NCKAP5L: variants seen among roughly 807,000 people sequenced by gnomAD.
The protein encoded by NCKAP5L is NCK associated protein 5 like.
A neutral mutation model predicts 103.2 loss-of-function variants in NCKAP5L; 54 were observed. That is an observed-to-expected ratio of 0.52 (90% CI 0.42 to 0.66). The LOEUF is 0.66. NCKAP5L is among the 30% of genes least tolerant of loss of function. The pLI, the probability that NCKAP5L is intolerant of heterozygous loss-of-function variation, is 0.00. For missense variants in NCKAP5L, 1,733 were observed against 1,750.6 expected (o/e 0.99, Z 0.18); for synonymous variants, 762 against 748.6 (o/e 1.02, Z -0.29).
intron 1 of NCKAP5L, 62 bp downstream of exon 1, chr12:49,828,260 G>A (rs967929815): frequency 3.3e-5 from 5 of 152,654 alleles, no homozygotes; most frequent in African/African-American, 1.2e-4. Context: ...CCCCGGCCCG[G>A]AGCTACAGAT....
Position 49,792,657 on chromosome 12 carries a change from C to A in NCKAP5L, c.3649+21G>T. On this transcript the variant is annotated intron_variant, in intron 11 of 12. Transcript: ENST00000335999. This position sits in a 1 kb window ranked among gnomAD's most constrained non-coding sequence, Gnocchi z 4.5. ...CTCCAGGATGCCCAGGGGCATCCCA[C>A]CCTCCCACCTGGACACTCACCATCA... The A allele has an allele frequency of 6.2e-7, 1 of 1,613,094 alleles. No individual in the cohort carries two copies. Among genetic ancestry groups the A allele is most frequent in the Middle Eastern group, 1.6e-4 (1 of 6,062 alleles).
Position 49,828,352 on chromosome 12 carries a change from G to A in NCKAP5L, c.-129C>T, listed in dbSNP as rs1946446716. 1 of 152,528 alleles carries A rather than the reference G, an allele frequency of 6.6e-6. No homozygotes were observed. The highest frequency in any genetic ancestry group is 2.4e-5 in the African/African-American group (1 of 41,436). The allele number at this position is 152,528 out of a possible 1,614,324, so 9.4% of individuals were successfully genotyped here. ...TCAGGTGTTGAGCTGGGCCAGGGCA[G>A]GCCGGATCCGCCAGGTCCATGGCCG... On this transcript the variant is annotated 5_prime_UTR_variant, in exon 1 of 13. Transcript: ENST00000335999.
rs761006900 is a variant in NCKAP5L, at chr12:49,794,984, C to T, written c.2876G>A (p.Arg959Gln). The T allele has an allele frequency of 2.2e-5, 35 of 1,591,950 alleles. No individual in the cohort carries two copies. The highest frequency in any genetic ancestry group is 5.7e-5 in the South Asian group (5 of 88,488). ...GTTGAGGCTCTCGGCCTCCAGCTTCCGGGCTTCCATCTTGACTTCCCTCCG... is the reference window on the plus strand; with the variant it reads ...GTTGAGGCTCTCGGCCTCCAGCTTCTGGGCTTCCATCTTGACTTCCCTCCG... Reference protein sequence around the residue: ...PLRREVKMEARKLEAESLNIS... With the variant: ...PLRREVKMEAQKLEAESLNIS... The change falls in exon 8 of 13, where the codon CGG becomes CAG. Residue 959 changes from arginine to glutamine, a missense_variant. Coordinates refer to ENST00000335999, the MANE Select transcript of NCKAP5L (RefSeq NM_001037806.4).
chr12:49,796,192 A>G lies in NCKAP5L; in HGVS notation c.1668T>C (p.Tyr556=). The change falls in exon 8 of 13, where the codon TAT becomes TAC. Residue 556 remains tyrosine (Y), a synonymous_variant. Transcript: ENST00000335999. ...TCCGAGAAAGGTCCAGAATGTTCTC[A>G]TAGCAGGGAGACACCACTGGGCCTG... ...LSPGPVVSPC[Y]ENILDLSRST... 1 of 1,604,172 alleles carries G rather than the reference A, an allele frequency of 6.2e-7. No homozygotes were observed. Among genetic ancestry groups the G allele is most frequent in the Non-Finnish European group, 8.5e-7 (1 of 1,175,558 alleles).
intron 9 of NCKAP5L, 37 bp downstream of exon 9, chr12:49,793,697 C>T: frequency 6.6e-7 from 1 of 1,513,606 alleles, no homozygotes; most frequent in South Asian, 1.3e-5. Flanking sequence ...GGCCAGAGAG[C>T]CAGGCCGTCC....
chr12:49,820,603 C>A (rs1409994541), intron 1 of NCKAP5L, among the ~76,000 whole-genome samples: 1 of 152,220 alleles, frequency 6.6e-6, no homozygotes, highest in Non-Finnish European at 1.5e-5. Flanking sequence ...GCGTGAGCCA[C>A]TGCACCCAGG....
intron 1 of NCKAP5L, among the ~76,000 whole-genome samples, chr12:49,806,389 A>G (rs1455519504): frequency 6.6e-6 from 1 of 152,234 alleles, no homozygotes; most frequent in African/African-American, 2.4e-5. Context: ...TACAACATAC[A>G]TTGTCTTGCC....
At chr12:49,827,778 G>C (rs1254533329) in intron 1 of NCKAP5L, among the ~76,000 whole-genome samples, 1 of 152,190 alleles carries the variant, frequency 6.6e-6, no homozygotes, top group Non-Finnish European at 1.5e-5. Context: ...AGGAGACCCG[G>C]TCTTTCCGCC....
intron 3 of NCKAP5L, among the ~76,000 whole-genome samples, chr12:49,803,524 T>C (rs1946145041): frequency 6.6e-6 from 1 of 151,962 alleles, no homozygotes; most frequent in Non-Finnish European, 1.5e-5. Flanking sequence ...GTTAAGAATG[T>C]GGTGAGGGGT....
intron 10 of NCKAP5L, 92 bp downstream of exon 10, chr12:49,793,260 G>A: frequency 1.5e-6 from 2 of 1,299,990 alleles, no homozygotes; most frequent in Non-Finnish European, 2.2e-6. Context: ...CACAGAGCCT[G>A]GCACCTGCTG....
In NCKAP5L at chr12:49,791,814, C is replaced by G; in HGVS notation, c.*25G>C. 1 of 1,537,030 alleles carries G rather than the reference C, an allele frequency of 6.5e-7. No individual in the cohort carries two copies. Among genetic ancestry groups the G allele is most frequent in the Non-Finnish European group, 8.8e-7 (1 of 1,137,728 alleles). ...TCCAGTCTGTGGTCCCCAGCTCCAG[C>G]GGGGCCGTGGCGTGGCGCAGCCCCT... On this transcript the variant is annotated 3_prime_UTR_variant, in exon 13 of 13. Transcript: ENST00000335999.
chr12:49,819,471 C>T (rs897054), intron 1 of NCKAP5L, among the ~76,000 whole-genome samples: 109,363 of 152,182 alleles, frequency 0.72, 41,240 homozygotes, highest in East Asian at 0.95. Flanking sequence ...ATGCTATATA[C>T]ACATAATAGG....
chr12:49,812,772 A>C lies in NCKAP5L; in HGVS notation c.-98-6731T>G, dbSNP rs547023003. On this transcript the variant is annotated intron_variant, in intron 1 of 12. Transcript: ENST00000335999. The stretch of plus-strand genomic sequence containing the variant: ...ACTGATGAACATTTGGCTTGTTTTC[A>C]CTTTTTAGCTATTATGAATATTGCT... Among the ~76,000 whole-genome samples, 32 of 152,216 alleles carry C rather than the reference A, an allele frequency of 2.1e-4. No individual in the cohort carries two copies. In the South Asian group the frequency reaches 6.2e-3, roughly 30 times the overall value.
Position 49,813,873 on chromosome 12 carries a change from C to T in NCKAP5L, c.-98-7832G>A, listed in dbSNP as rs544176783. On this transcript the variant is annotated intron_variant, in intron 1 of 12. Transcript: ENST00000335999. The stretch of plus-strand genomic sequence containing the variant: ...CAAGATCTGGCTCTATCACTTAGGC[C>T]GGAGTGCACTGCCACAGTCATAGTT... Among the ~76,000 whole-genome samples the T allele has an allele frequency of 1.3e-4, 20 of 152,088 alleles. 1 individual carries two copies. The highest frequency in any genetic ancestry group is 4.1e-4 in the African/African-American group (17 of 41,472).
intron 1 of NCKAP5L, among the ~76,000 whole-genome samples, chr12:49,825,656 G>A (rs1265774926): frequency 6.6e-6 from 1 of 152,122 alleles, no homozygotes; most frequent in Non-Finnish European, 1.5e-5. Context: ...CCATTCCAAC[G>A]GCTCACAGCG....
intron 6 of NCKAP5L, 116 bp downstream of exon 6, chr12:49,801,732 G>A (rs1401993033): frequency 8.5e-6 from 11 of 1,298,676 alleles, no homozygotes; most frequent in African/African-American, 2.9e-5. Flanking sequence ...CAGAATGGAA[G>A]GTGGACAGCT....
At chr12:49,801,190 G>T (rs1946114516) in intron 6 of NCKAP5L, among the ~76,000 whole-genome samples, 1 of 152,190 alleles carries the variant, frequency 6.6e-6, no homozygotes, top group Non-Finnish European at 1.5e-5. Flanking sequence ...ACAGAAAAGT[G>T]CTTCTCTTCT....
At chr12:49,809,788 C>G (rs1946220210) in intron 1 of NCKAP5L, among the ~76,000 whole-genome samples, 1 of 152,118 alleles carries the variant, frequency 6.6e-6, no homozygotes, top group Non-Finnish European at 1.5e-5. Flanking sequence ...AATCCCTGAC[C>G]CAAAGCATCT....
intron 1 of NCKAP5L, among the ~76,000 whole-genome samples, chr12:49,809,528 A>C (rs2137023572): frequency 6.6e-6 from 1 of 152,144 alleles, no homozygotes; most frequent in Middle Eastern, 3.4e-3. Context: ...GAGCTCACTT[A>C]ATCACAGAAT....
Sources: allele counts gnomAD v4.1 joint callset (sites outside exome capture counted in the v4.1 genomes callset), GRCh38; gene constraint gnomAD v4.1.1; non-coding constraint Gnocchi (gnomAD v3.1); transcripts MANE v1.5; gene names NCBI Gene and HGNC (gene_info 2026-07-23, HGNC 2026-07-21).